Variants in FBXO34 observed in about 807,000 individuals in gnomAD.
FBXO34 encodes F-box protein 34, also known as F-box only protein 34.
In FBXO34, 12 loss-of-function variants were observed where a neutral mutation model predicts 24.5. The ratio of observed to expected loss-of-function variants is 0.49; its 90% CI spans 0.31 to 0.79. The LOEUF (loss-of-function observed/expected upper bound fraction) is 0.79, where lower values mean the gene tolerates loss of function less well. Ranked by LOEUF, FBXO34 falls within the 30% of genes least tolerant of loss-of-function variation. The pLI is 0.04. For missense variants in FBXO34, 823 were observed against 857.7 expected (o/e 0.96, Z 0.51); for synonymous variants, 320 against 311.9 (o/e 1.03, Z -0.27).
intron 1 of FBXO34, among the ~76,000 whole-genome samples, chr14:55,284,527 A>G (rs1018899016): frequency 2.0e-5 from 3 of 149,778 alleles, no homozygotes; most frequent in African/African-American, 7.3e-5. Flanking sequence ...AAAAAAAAAA[A>G]AAAAAGTGAA....
downstream of FBXO34, among the ~76,000 whole-genome samples, chr14:55,370,130 C>A (rs1884781727): frequency 6.6e-6 from 1 of 152,192 alleles, no homozygotes; most frequent in Admixed American, 6.5e-5. Flanking sequence ...TAAATAAAAT[C>A]ATGATACCAC....
intron 1 of FBXO34, among the ~76,000 whole-genome samples, chr14:55,286,770 T>C (rs919915145): frequency 5.9e-5 from 9 of 152,160 alleles, no homozygotes; most frequent in African/African-American, 1.4e-4. Context: ...GTATCTCTTA[T>C]CTTACATGCT....
At chr14:55,400,665 G>A in the FBXO34 span, among the ~76,000 whole-genome samples, 1 of 152,156 alleles carries the variant, frequency 6.6e-6, no homozygotes, top group East Asian at 1.9e-4. Context: ...CACTTTGGGA[G>A]GCCAAGGCGG....
At chr14:55,321,783 C>G (rs7151754) in intron 1 of FBXO34, among the ~76,000 whole-genome samples, 1 of 152,046 alleles carries the variant, frequency 6.6e-6, no homozygotes, top group Non-Finnish European at 1.5e-5. Context: ...GAAAGTGAAT[C>G]AATACCTATT....
the FBXO34 span, among the ~76,000 whole-genome samples, chr14:55,399,171 G>C: frequency 6.6e-6 from 1 of 152,080 alleles, no homozygotes; most frequent in Non-Finnish European, 1.5e-5. Context: ...AAATTTAATA[G>C]TCACTGAAAA....
At chr14:55,339,280 A>C (rs1220178939) in intron 1 of FBXO34, among the ~76,000 whole-genome samples, 1 of 152,074 alleles carries the variant, frequency 6.6e-6, no homozygotes, top group African/African-American at 2.4e-5. Context: ...TAAAAAGTAC[A>C]TTGTATGTAC....
At chr14:55,389,306 C>G in the FBXO34 span, among the ~76,000 whole-genome samples, 1 of 151,896 alleles carries the variant, frequency 6.6e-6, no homozygotes, top group African/African-American at 2.4e-5. Context: ...ACGGGGAGAG[C>G]ATGAACTAAT....
At chr14:55,340,640 C>T (rs1378112801) in intron 1 of FBXO34, among the ~76,000 whole-genome samples, 1 of 152,150 alleles carries the variant, frequency 6.6e-6, no homozygotes, top group East Asian at 1.9e-4. Context: ...ATGGGCCAGC[C>T]TGTGCCCAGG....
chr14:55,397,513 AATCATTC>A, the FBXO34 span: 1 of 1,114,988 alleles, frequency 9.0e-7, no homozygotes, highest in Non-Finnish European at 1.3e-6. Context: ...CCCAAGAACC[AATCATTC>A]TGCAGAGTCA....
At chr14:55,411,150 T>G in the FBXO34 span, among the ~76,000 whole-genome samples, 1 of 152,252 alleles carries the variant, frequency 6.6e-6, no homozygotes, top group Non-Finnish European at 1.5e-5. Context: ...TGTGACAGAC[T>G]ACCAGGCCCA....
intron 1 of FBXO34, chr14:55,282,412 G>A (rs974713182): frequency 2.2e-5 from 7 of 317,586 alleles, no homozygotes; most frequent in African/African-American, 1.5e-4. Flanking sequence ...ATTGGACCAC[G>A]ATAGGCCCTG....
intron 1 of FBXO34, among the ~76,000 whole-genome samples, chr14:55,323,344 T>G (rs112870553): frequency 0.55 from 76,198 of 139,786 alleles, 23,535 homozygotes; most frequent in African/African-American, 0.87. Flanking sequence ...TGGGATTATA[T>G]GCGTGAGCCA....
At chr14:55,279,609 C>A (rs1881465573) in intron 1 of FBXO34, among the ~76,000 whole-genome samples, 1 of 152,184 alleles carries the variant, frequency 6.6e-6, no homozygotes, top group Non-Finnish European at 1.5e-5. Flanking sequence ...GCTTAAGAAC[C>A]ACTGCTAGAA....
At chr14:55,420,139 C>T in the FBXO34 span, among the ~76,000 whole-genome samples, 4 of 152,320 alleles carry the variant, frequency 2.6e-5, no homozygotes, top group East Asian at 7.7e-4. Flanking sequence ...GGCACGATCT[C>T]GGCTCACTGC....
At chr14:55,435,349 C>T in the FBXO34 span, among the ~76,000 whole-genome samples, 3 of 149,776 alleles carry the variant, frequency 2.0e-5, no homozygotes, top group Admixed American at 2.0e-4. Flanking sequence ...GATCTTGGCT[C>T]ACTGCAACCT....
chr14:55,424,250 G>A, the FBXO34 span: 35 of 1,604,886 alleles, frequency 2.2e-5, no homozygotes, highest in East Asian at 2.5e-4. Flanking sequence ...GTTCAGGCTC[G>A]TAACTGTTAA....
Position 55,352,373 on chromosome 14 carries a change from G to T in FBXO34, c.1983G>T (p.Gly661=). ...CCTATTGCCAGGCATTGCCCTATGG[G>T]CCAGGGTATTGGATGTGCTGCCACC... ...PKPYCQALPY[G]PGYWMCCHRS... The change falls in exon 2 of 2, where the codon GGG becomes GGT. Residue 661 remains glycine, a synonymous_variant. Coordinates refer to ENST00000313833, the MANE Select transcript of FBXO34 (RefSeq NM_017943.4). The T allele has an allele frequency of 6.2e-7, 1 of 1,614,226 alleles. No homozygotes were observed. Among genetic ancestry groups the T allele is most frequent in the South Asian group, 1.1e-5 (1 of 91,088 alleles).
At chr14:55,361,318 A>AAT (rs1884592506) in intron 3 of FBXO34, among the ~76,000 whole-genome samples, 1 of 152,210 alleles carries the variant, frequency 6.6e-6, no homozygotes, top group Non-Finnish European at 1.5e-5. Context: ...ATTTGAAAGG[A>AAT]ATCTGGTTTT....
chr14:55,439,812 TC>T, the FBXO34 span, among the ~76,000 whole-genome samples: 1 of 150,830 alleles, frequency 6.6e-6, no homozygotes, highest in Non-Finnish European at 1.5e-5. Context: ...GCTCCTGTAG[TC>T]CCAGCTACTC....
Sources: allele counts gnomAD v4.1 joint callset (sites outside exome capture counted in the v4.1 genomes callset), GRCh38; gene constraint gnomAD v4.1.1; transcripts MANE v1.5; gene names NCBI Gene and HGNC (gene_info 2026-07-23, HGNC 2026-07-21).